Variants in PKP1 observed in about 807,000 individuals in gnomAD.
PKP1 encodes plakophilin 1, also known as plakophilin-1.
A neutral mutation model predicts 76.4 loss-of-function variants in PKP1; 27 were observed. The ratio of observed to expected loss-of-function variants is 0.35; its 90% confidence interval spans 0.26 to 0.49. The LOEUF (loss-of-function observed/expected upper bound fraction) is 0.49, where lower values mean the gene tolerates loss of function less well. PKP1 is among the 20% of genes least tolerant of loss of function. The pLI is 0.99. For missense variants in PKP1, 964 were observed against 955.2 expected (o/e 1.01, Z -0.12); for synonymous variants, 404 against 384.2 (o/e 1.05, Z -0.60).
chr1:201,314,885 T>A (rs1656678187), intron 3 of PKP1, among the ~76,000 whole-genome samples: 1 of 152,266 alleles, frequency 6.6e-6, no homozygotes, highest in Non-Finnish European at 1.5e-5. Context: ...ATTCTTCATC[T>A]TTAATCCTCA....
chr1:201,317,885 C>T (rs1212871936), intron 5 of PKP1, 106 bp downstream of exon 5: 6 of 1,104,480 alleles, frequency 5.4e-6, no homozygotes, highest in Non-Finnish European at 8.0e-6. Context: ...GGCCAAGACA[C>T]AGCTGTGCAG....
At chr1:201,321,256 T>C (rs1404015436) in intron 7 of PKP1, among the ~76,000 whole-genome samples, 2 of 152,192 alleles carry the variant, frequency 1.3e-5, no homozygotes, top group African/African-American at 4.8e-5. Context: ...CTGTGTGCAA[T>C]ATCTCCAACA....
In PKP1 at chr1:201,317,772, G is replaced by A. The variant is rs774824360; in HGVS notation, c.1047G>A (p.Gln349=). ...CCGGGAACGCCGAGATCCAGAAGCA[G>A]CTGACTGGTAGGACAACACGGCCAC... ...RRTGNAEIQK[Q]LTGLLWNLSS... is the part of the protein sequence containing the mutation. Residue 349 remains glutamine (Q), a synonymous_variant, in exon 5 of 14, where the codon CAG becomes CAA. Transcript: ENST00000367324. The A allele has an allele frequency of 3.0e-5, 49 of 1,613,302 alleles. No homozygotes were observed. The highest frequency in any genetic ancestry group is 3.7e-5 in the Non-Finnish European group (44 of 1,179,826).
At chr1:201,320,697 A>T (rs1219852687) in intron 7 of PKP1, among the ~76,000 whole-genome samples, 1 of 152,218 alleles carries the variant, frequency 6.6e-6, no homozygotes, top group South Asian at 2.1e-4. Flanking sequence ...GAAAGGCTTG[A>T]TTAGTTAATA....
intron 1 of PKP1, among the ~76,000 whole-genome samples, chr1:201,292,964 C>T (rs973677078): frequency 6.6e-6 from 1 of 152,144 alleles, no homozygotes; most frequent in Non-Finnish European, 1.5e-5. Context: ...GGAGAGATTG[C>T]CTTGTGCAGA....
intron 2 of PKP1, among the ~76,000 whole-genome samples, chr1:201,309,917 C>G (rs1656486573): frequency 6.6e-6 from 1 of 152,244 alleles, no homozygotes; most frequent in African/African-American, 2.4e-5. Flanking sequence ...CTGCACCATT[C>G]ATCATAAAGC....
At chr1:201,324,388 A>C in intron 9 of PKP1, 40 bp from the exon 10 acceptor site, 5 of 1,611,750 alleles carry the variant, frequency 3.1e-6, no homozygotes, top group Non-Finnish European at 4.2e-6. Flanking sequence ...GGTGCCTGGG[A>C]AGCCACAGGC....
chr1:201,291,849 T>G (rs1655924616), intron 1 of PKP1, among the ~76,000 whole-genome samples: 1 of 152,232 alleles, frequency 6.6e-6, no homozygotes, highest in Non-Finnish European at 1.5e-5. Context: ...ACTATGAGTG[T>G]GCCTGGCTGC....
chr1:201,321,586 G>A (rs1325735326), intron 7 of PKP1, among the ~76,000 whole-genome samples: 3 of 151,852 alleles, frequency 2.0e-5, no homozygotes, highest in Non-Finnish European at 4.4e-5. Context: ...AAAAAAAAAA[G>A]ACACATTCTT....
intron 2 of PKP1, among the ~76,000 whole-genome samples, chr1:201,301,039 C>T (rs946522652): frequency 9.2e-5 from 14 of 152,186 alleles, no homozygotes. Flanking sequence ...CTAAGCCTCC[C>T]AGGCCTTCAT....
At chr1:201,285,344 C>A (rs1655698721) in intron 1 of PKP1, among the ~76,000 whole-genome samples, 1 of 151,728 alleles carries the variant, frequency 6.6e-6, no homozygotes, top group Non-Finnish European at 1.5e-5. Flanking sequence ...CCTTGTAGAG[C>A]CGAGGGAAGG....
chr1:201,299,931 C>T (rs1286787758), intron 2 of PKP1, among the ~76,000 whole-genome samples: 1 of 152,256 alleles, frequency 6.6e-6, no homozygotes, highest in Non-Finnish European at 1.5e-5. Context: ...CTCGTCTTTT[C>T]TTGAAAAGTC....
chr1:201,301,806 G>C (rs1656238940), intron 2 of PKP1, among the ~76,000 whole-genome samples: 1 of 151,540 alleles, frequency 6.6e-6, no homozygotes, highest in African/African-American at 2.4e-5. Context: ...TTACGCTATA[G>C]TTGAAAACAA....
chr1:201,300,762 G>A (rs1286092346), intron 2 of PKP1, among the ~76,000 whole-genome samples: 4 of 152,176 alleles, frequency 2.6e-5, no homozygotes, highest in Admixed American at 2.6e-4. Context: ...AAGGGAGGAG[G>A]ACACGGTTCC....
Position 201,325,123 on chromosome 1 carries a change from A to G in PKP1, c.2017A>G (p.Ser673Gly). The G allele has an allele frequency of 6.2e-7, 1 of 1,613,640 alleles. No individual in the cohort carries two copies. The highest frequency in any genetic ancestry group is 8.5e-7 in the Non-Finnish European group (1 of 1,179,992). ...MLNNIINLCR[S>G]SASPKAAEAA... ...CAACAACATCATCAACCTGTGCCGA[A>G]GCAGGTGGGCGGGGGGTTGCTCCCA... Residue 673 changes from serine to glycine, a missense_variant, in exon 11 of 14, where the codon AGC (serine) becomes GGC (glycine). Ser to Gly is a moderately conservative substitution (Grantham distance 56). Transcript: ENST00000367324.
At chr1:201,324,321 G>A (rs1657041016) in intron 9 of PKP1, 107 bp from the exon 10 acceptor site, 1 of 1,188,838 alleles carries the variant, frequency 8.4e-7, no homozygotes, top group Admixed American at 1.8e-5. Context: ...CAATATGAAA[G>A]AGAAAGGGTT....
intron 2 of PKP1, among the ~76,000 whole-genome samples, chr1:201,301,429 A>G (rs1207153122): frequency 6.6e-6 from 1 of 152,092 alleles, no homozygotes; most frequent in Non-Finnish European, 1.5e-5. Flanking sequence ...ATCTTCCTCC[A>G]TCATTTCCAT....
chr1:201,316,149 C>CGGACGGACGGATGGACGGACGGAT (rs1558191684), intron 3 of PKP1: 1 of 124,068 alleles, frequency 8.1e-6, no homozygotes, highest in African/African-American at 4.0e-5. Context: ...GATGGACGGA[C>CGGACGGACGGATGGACGGACGGAT]GGATGGATGG....
chr1:201,325,096 C>T lies in PKP1; in HGVS notation c.1990C>T (p.Leu664Phe). ...CAAGCAGTACTTCTCCAGCAGCATG[C>T]TCAACAACATCATCAACCTGTGCCG... ...LAKQYFSSSMLNNIINLCRSS... is the reference protein window; with the variant it reads ...LAKQYFSSSMFNNIINLCRSS... Residue 664 changes from leucine to phenylalanine, a missense_variant, in exon 11 of 14, where the codon CTC (leucine) becomes TTC (phenylalanine). Physicochemically the swap from Leu to Phe is conservative, Grantham distance 22 (BLOSUM62 0). Coordinates refer to ENST00000367324, the MANE Select transcript of PKP1 (RefSeq NM_001005337.3). The T allele has an allele frequency of 1.2e-6, 2 of 1,613,968 alleles. No homozygotes were observed. The highest frequency in any genetic ancestry group is 1.7e-6 in the Non-Finnish European group (2 of 1,180,038).
Sources: gnomAD v4.1 joint callset for allele counts (sites outside exome capture counted in the v4.1 genomes callset) on GRCh38, gnomAD v4.1.1 for gene constraint, MANE v1.5 for transcripts, NCBI Gene and HGNC (gene_info 2026-07-23, HGNC 2026-07-21) for gene names.